Variants in ZCCHC14 observed in about 807,000 individuals in gnomAD.
ZCCHC14 encodes the protein zinc finger CCHC domain-containing protein 14.
Under a neutral mutation model 85.0 loss-of-function variants are expected in ZCCHC14, and 16 were observed. The observed-to-expected ratio is 0.19, with a 90% CI of 0.13 to 0.29. The LOEUF (loss-of-function observed/expected upper bound fraction) is 0.29, where lower values mean the gene tolerates loss of function less well. Among genes scored for constraint, ZCCHC14 ranks in the 10% least tolerant of loss-of-function variants. The pLI is 1.00. For missense variants in ZCCHC14, 1,303 were observed against 1,443.5 expected (o/e 0.90, Z 1.58); for synonymous variants, 775 against 630.7 (o/e 1.23, Z -3.43).
In ZCCHC14 at chr16:87,410,097, AG is replaced by A. The variant is rs1302977172; in HGVS notation, c.*182del. On this transcript the variant is annotated 3_prime_UTR_variant, in exon 13 of 13. Transcript: ENST00000671377. ...GAGTTCTGACACCAAGCTCCAATCT[AG>A]GGTTTTGGCAATAAATCGAGTTTGA... 4.3e-5 allele frequency: 21 copies of A among 487,060 alleles called. No homozygotes were observed. The highest frequency in any genetic ancestry group is 7.3e-5 in the Non-Finnish European group (20 of 275,426). 30.2% of individuals were successfully genotyped at this position (487,060 alleles called of 1,614,324 possible). A position where few individuals can be genotyped will look rare whatever the true frequency, so the allele number is the denominator to read the frequency against.
chr16:87,424,922 T>C (rs534535899), intron 3 of ZCCHC14, among the ~76,000 whole-genome samples: 9 of 151,922 alleles, frequency 5.9e-5, no homozygotes, highest in Non-Finnish European at 1.3e-4. Context: ...CCAAATACAT[T>C]ATGCAAAAGA....
At chr16:87,477,153 C>CAAAAAAAAAAAAAAAAAAAAAA (rs1412376609) in intron 1 of ZCCHC14, among the ~76,000 whole-genome samples, 2 of 116,200 alleles carry the variant, frequency 1.7e-5, no homozygotes, top group Admixed American at 8.1e-5. Flanking sequence ...AAAACAAAAC[C>CAAAAAAAAAAAAAAAAAAAAAA]AAAAAAAAAT....
intron 2 of ZCCHC14, among the ~76,000 whole-genome samples, chr16:87,442,361 A>G (rs937922315): frequency 6.6e-6 from 1 of 152,236 alleles, no homozygotes; most frequent in Non-Finnish European, 1.5e-5. Flanking sequence ...CATTCTCTGT[A>G]GGATTAAAGA....
chr16:87,421,353 G>C (rs1013942181), intron 4 of ZCCHC14, among the ~76,000 whole-genome samples: 2 of 152,192 alleles, frequency 1.3e-5, no homozygotes, highest in Non-Finnish European at 2.9e-5. Context: ...TTTAGGAGTG[G>C]GGCAGGGACA....
At chr16:87,455,018 G>A (rs1207425590) in intron 2 of ZCCHC14, among the ~76,000 whole-genome samples, 1 of 152,234 alleles carries the variant, frequency 6.6e-6, no homozygotes, top group African/African-American at 2.4e-5. Flanking sequence ...GCCGAGCGCC[G>A]TGGCTCACAT....
chr16:87,442,395 T>C (rs1017686754), intron 2 of ZCCHC14, among the ~76,000 whole-genome samples: 2 of 152,308 alleles, frequency 1.3e-5, no homozygotes, highest in Middle Eastern at 6.8e-3. Flanking sequence ...CGTATCATAC[T>C]ATTCAAGAAA....
chr16:87,453,154 C>T (rs1368363416), intron 2 of ZCCHC14, among the ~76,000 whole-genome samples: 1 of 152,204 alleles, frequency 6.6e-6, no homozygotes, highest in East Asian at 1.9e-4. Flanking sequence ...GAAGGGGGTG[C>T]TCCTGGGGGA....
chr16:87,424,433 C>CA (rs202092583), intron 3 of ZCCHC14, among the ~76,000 whole-genome samples: 4,811 of 152,268 alleles, frequency 0.032, 111 homozygotes, highest in Middle Eastern at 0.088. Context: ...GCAGTGATCA[C>CA]TGCTGGGGAA....
intron 2 of ZCCHC14, among the ~76,000 whole-genome samples, chr16:87,457,886 G>A (rs1201528408): frequency 7.2e-5 from 11 of 152,100 alleles, no homozygotes; most frequent in Admixed American, 7.2e-4. Flanking sequence ...ACTAATGAAT[G>A]GAGAATGCTG....
Position 87,423,822 on chromosome 16 carries a change from T to C in ZCCHC14, c.828A>G (p.Glu276=), listed in dbSNP as rs538850875. ...TTGATTACCTTACCTTTGAAATAAA[T>C]TCCGTCACTTCAGAGGAAGATTTGG... ...SVTKSSSEVT[E]FISKLCQLYP... The change falls in exon 4 of 13, where the codon GAA becomes GAG. Residue 276 remains glutamate, a synonymous_variant. Coordinates refer to ENST00000671377, the MANE Select transcript of ZCCHC14 (RefSeq NM_015144.3). 3 of 1,614,110 alleles carry C rather than the reference T, an allele frequency of 1.9e-6. No individual in the cohort carries two copies. The highest frequency in any genetic ancestry group is 2.7e-5 in the African/African-American group (2 of 75,050).
chr16:87,415,117 AAAAT>A (rs1038390124), intron 9 of ZCCHC14, among the ~76,000 whole-genome samples, 155 bp downstream of exon 9: 2 of 152,238 alleles, frequency 1.3e-5, no homozygotes, highest in African/African-American at 2.4e-5. Flanking sequence ...TCCGTCTCAA[AAAAT>A]AAATAAATAA....
At chr16:87,481,082 G>A (rs930417005) in intron 1 of ZCCHC14, among the ~76,000 whole-genome samples, 1 of 152,124 alleles carries the variant, frequency 6.6e-6, no homozygotes, top group Non-Finnish European at 1.5e-5. Context: ...GGCTAAGAGG[G>A]GGCCAGTGAC....
At chr16:87,414,599 TGCGGCTTCAAG>T (rs1908684341) in intron 9 of ZCCHC14, 58 bp from the exon 10 acceptor site, 2 of 1,554,522 alleles carry the variant, frequency 1.3e-6, no homozygotes. Context: ...CTGCCTCACA[TGCGGCTTCAAG>T]ACGGGTCTAC....
At chr16:87,486,935 G>C (rs1030804310) in intron 1 of ZCCHC14, among the ~76,000 whole-genome samples, 5 of 152,238 alleles carry the variant, frequency 3.3e-5, no homozygotes, top group Admixed American at 2.6e-4. Flanking sequence ...TGGAATGCTA[G>C]ATGACTCTTG....
In ZCCHC14 at chr16:87,412,237, C is replaced by A; in HGVS notation, c.2484G>T (p.Met828Ile). The A allele has an allele frequency of 6.2e-7, 1 of 1,612,504 alleles. No individual in the cohort carries two copies. The highest frequency in any genetic ancestry group is 8.5e-7 in the Non-Finnish European group (1 of 1,178,784). Residue 828 changes from methionine to isoleucine, a missense_variant, in exon 12 of 13, where the codon ATG becomes ATT. Transcript: ENST00000671377. ...AGCCACCCTGCAGGGGGCCCACTGG[C>A]ATACTGCTCATTGCAGAAAAGGCAA... ...TKVAFSAMSS[M>I]PVGPLQGGFC...
rs551785311 is a variant in ZCCHC14 at position 87,457,911 on chromosome 16, C to T, written c.694+2097G>A. On this transcript the variant is annotated intron_variant, in intron 2 of 12. Transcript: ENST00000671377. ...GGAGAATGCTGCAGGTAATTAAGAG[C>T]GTCTGCTCGCTGCGGTATTTTAAGC... is the stretch of plus-strand genomic sequence containing the variant. Among the ~76,000 whole-genome samples the T allele has an allele frequency of 4.6e-5, 7 of 152,248 alleles. No homozygotes were observed. The South Asian group carries it at 1.5e-3, about 32-fold the overall frequency.
At chr16:87,438,172 C>T (rs925974842) in intron 2 of ZCCHC14, among the ~76,000 whole-genome samples, 2 of 152,384 alleles carry the variant, frequency 1.3e-5, no homozygotes, top group African/African-American at 4.8e-5. Context: ...GCTGTGGTAC[C>T]GCAGCACTGC....
intron 2 of ZCCHC14, among the ~76,000 whole-genome samples, chr16:87,458,947 A>G (rs1029397471): frequency 6.6e-6 from 1 of 152,074 alleles, no homozygotes; most frequent in Non-Finnish European, 1.5e-5. Context: ...CCACACAAGC[A>G]TTTATTTTAC....
chr16:87,449,650 A>T (rs927382275), intron 2 of ZCCHC14, among the ~76,000 whole-genome samples: 1 of 152,232 alleles, frequency 6.6e-6, no homozygotes. Context: ...TTTAATCTAC[A>T]TTCCCAACAA....
Sources: allele counts gnomAD v4.1 joint callset (sites outside exome capture counted in the v4.1 genomes callset), GRCh38; gene constraint gnomAD v4.1.1; transcripts MANE v1.5; gene names NCBI Gene and HGNC (gene_info 2026-07-23, HGNC 2026-07-21).